Variants in MTCH1 observed in about 807,000 individuals in gnomAD.
The protein encoded by MTCH1 is mitochondrial carrier homolog 1.
MTCH1 carries 23 observed loss-of-function variants against 49.3 expected under a neutral mutation model. The observed-to-expected ratio is 0.47, with a 90% CI of 0.34 to 0.66. MTCH1 has a LOEUF of 0.66. Ranked by LOEUF, MTCH1 falls within the 30% of genes least tolerant of loss-of-function variation. The probability of loss-of-function intolerance (pLI) is 0.01; values close to 1 mark genes in which losing one functional copy is unlikely to be tolerated. For missense variants in MTCH1, 397 were observed against 532.1 expected, an observed-to-expected ratio of 0.75 and a Z score of 2.50; for synonymous variants, 229 against 215.2, an observed-to-expected ratio of 1.06 and a Z score of -0.56.
At chr6:36,979,947 A>C (rs1764028497) in intron 2 of MTCH1, among the ~76,000 whole-genome samples, 1 of 152,208 alleles carries the variant, frequency 6.6e-6, no homozygotes, top group African/African-American at 2.4e-5. Context: ...TGTGGGTCCC[A>C]GGGCCTCCCT....
chr6:36,970,606 C>G, intron 9 of MTCH1, 41 bp downstream of exon 9: 1 of 1,613,684 alleles, frequency 6.2e-7, no homozygotes, highest in Non-Finnish European at 8.5e-7. Context: ...CCGCTTGGGT[C>G]CGCAAGGCAG....
intron 1 of MTCH1, among the ~76,000 whole-genome samples, chr6:36,985,015 T>C (rs1764245586): frequency 6.6e-6 from 1 of 151,080 alleles, no homozygotes; most frequent in African/African-American, 2.4e-5. Flanking sequence ...AGCCTCCTCC[T>C]AGCTCCCCTC....
chr6:36,981,054 G>A (rs1231530043), intron 2 of MTCH1, among the ~76,000 whole-genome samples: 1 of 152,228 alleles, frequency 6.6e-6, no homozygotes, highest in African/African-American at 2.4e-5. Context: ...GCACACAGAA[G>A]TGAAGCTGCA....
chr6:36,970,767 AC>A, intron 8 of MTCH1, 73 bp from the exon 9 acceptor site: 1 of 1,491,886 alleles, frequency 6.7e-7, no homozygotes, highest in Non-Finnish European at 9.2e-7. Context: ...ACATGCCCTC[AC>A]CCCACCCTCT....
At chr6:36,973,295 T>TA (rs913108423) in intron 7 of MTCH1, among the ~76,000 whole-genome samples, 7 of 152,188 alleles carry the variant, frequency 4.6e-5, no homozygotes, top group African/African-American at 1.7e-4. Flanking sequence ...AACAGCTCTA[T>TA]AAACTGCTAA....
At position 36,968,884 on chromosome 6, in the gene MTCH1, GT is replaced by G. The variant is rs752508381; in HGVS notation, c.*18del. The G allele has an allele frequency of 1.9e-6, 3 of 1,613,904 alleles. No individual in the cohort carries two copies. The East Asian group carries it at 6.7e-5, about 36-fold the overall frequency. On this transcript the variant is annotated 3_prime_UTR_variant, in exon 12 of 12. Transcript: ENST00000373627. The stretch of plus-strand genomic sequence containing the variant: ...CCCACGGTGGCCAGGTTGAGACCGT[GT>G]TTTTTAGATGATTCAGGTTACTCCA...
intron 7 of MTCH1, among the ~76,000 whole-genome samples, chr6:36,975,199 C>T (rs1056416755): frequency 3.9e-5 from 6 of 152,220 alleles, no homozygotes; most frequent in African/African-American, 1.4e-4. Context: ...TTTTGTGCAA[C>T]ATATCTTAAA....
intron 1 of MTCH1, among the ~76,000 whole-genome samples, chr6:36,983,268 G>A (rs1764172020): frequency 6.6e-6 from 1 of 152,186 alleles, no homozygotes; most frequent in South Asian, 2.1e-4. Context: ...TTTCCCTTCT[G>A]GGTTAAAAGC....
intron 11 of MTCH1, 196 bp downstream of exon 11, chr6:36,969,843 C>T (rs1029633889): frequency 1.3e-6 from 2 of 1,528,716 alleles, no homozygotes; most frequent in African/African-American, 2.8e-5. Context: ...TAAACCCACA[C>T]TTAGCCACCT....
Position 36,977,739 on chromosome 6 carries a change from G to A in MTCH1, c.592-48C>T. 6.5e-7 allele frequency: 1 copy of A among 1,532,336 alleles called. No homozygotes were observed. The highest frequency in any genetic ancestry group is 8.9e-7 in the Non-Finnish European group (1 of 1,121,768). The allele number at this position is 1,532,336 out of a possible 1,614,324, so 94.9% of individuals were successfully genotyped here. On this transcript the variant is annotated intron_variant, in intron 4 of 11. Transcript: ENST00000373627. This position sits in a 1 kb window ranked among gnomAD's most constrained non-coding sequence, Gnocchi z 5.4. ...GACTCGCCACCCTCGGCCTGTCTCT[G>A]GAACTGGCCCTCGAGGGGAGCTACA...
chr6:36,969,196 A>G, intron 11 of MTCH1: 12 of 985,398 alleles, frequency 1.2e-5, no homozygotes, highest in Non-Finnish European at 1.4e-5. Context: ...GCTACTCTGT[A>G]GGAGAGCCCT....
rs1763905953 is a variant in MTCH1 at position 36,977,082 on chromosome 6, G to T, written c.701+117C>A. On this transcript the variant is annotated intron_variant, in intron 6 of 11. Coordinates refer to ENST00000373627, the MANE Select transcript of MTCH1 (RefSeq NM_001271641.2). This position sits in a 1 kb window ranked among gnomAD's most constrained non-coding sequence, Gnocchi z 5.4. ...ACATTCCTCAGAAGCCAGGCAGCAG[G>T]CTGAACTCACACAGCACTAGGGCAG... 8 of 1,054,372 alleles carry T rather than the reference G, an allele frequency of 7.6e-6. No individual in the cohort carries two copies. Among genetic ancestry groups the T allele is most frequent in the Non-Finnish European group, 1.2e-5 (8 of 684,166 alleles). The allele number at this position is 1,054,372 out of a possible 1,614,324, so 65.3% of individuals were successfully genotyped here.
rs747860989 is a variant in MTCH1, at chr6:36,970,129, G to C, written c.1023-15C>G. The C allele has an allele frequency of 3.7e-6, 6 of 1,613,270 alleles. No homozygotes were observed. The Middle Eastern group carries it at 5.0e-4, about 133-fold the overall frequency. ...CAGCTTGCAGCCTGCCGGAGAAGGA[G>C]AGTGTAGATGCAGAGAACAGTGGAA... is the stretch of plus-strand genomic sequence containing the variant. On this transcript the variant is annotated splice_polypyrimidine_tract_variant and intron_variant, in intron 10 of 11. Coordinates refer to ENST00000373627, the MANE Select transcript of MTCH1 (RefSeq NM_001271641.2).
rs1442032813 is a variant in MTCH1, at chr6:36,977,292, C to T, written c.650-42G>A. Reference sequence around the variant, plus strand: ...AAACACACACAGGTGATGTGGTGGGCCACACTTCATAATGCTCCAGCCACC... The same window carrying T: ...AAACACACACAGGTGATGTGGTGGGTCACACTTCATAATGCTCCAGCCACC... On this transcript the variant is annotated intron_variant, in intron 5 of 11. Coordinates refer to ENST00000373627, the MANE Select transcript of MTCH1 (RefSeq NM_001271641.2). The surrounding 1 kb of genome is among the most constrained non-coding windows in gnomAD (Gnocchi z 5.4). 1 of 1,606,858 alleles carries T rather than the reference C, an allele frequency of 6.2e-7. No individual in the cohort carries two copies.
In MTCH1 at chr6:36,985,872, T is replaced by G. The variant is rs747290823; in HGVS notation, c.302A>C (p.Tyr101Ser). The G allele has an allele frequency of 2.6e-6, 4 of 1,559,450 alleles. No homozygotes were observed. Among genetic ancestry groups the G allele is most frequent in the Middle Eastern group, 1.7e-4 (1 of 5,992 alleles). Reference sequence around the variant, plus strand: ...CCCCACCTGGATGAGCAGCTTCACGTAGAGCAGGGGATGGCTGAGCGCCGT... The same window carrying G: ...CCCCACCTGGATGAGCAGCTTCACGGAGAGCAGGGGATGGCTGAGCGCCGT... ...GVTALSHPLLYVKLLIQVGHE... is the reference protein window; with the variant it reads ...GVTALSHPLLSVKLLIQVGHE... The change falls in exon 1 of 12, where the codon TAC (tyrosine) becomes TCC (serine). Residue 101 changes from tyrosine to serine, a missense_variant. Physicochemically the swap from Tyr to Ser is moderately radical, Grantham distance 144. This residue lies in a region of MTCH1 where 252 missense variants were observed against 388.3 expected (regional missense o/e 0.65). Coordinates refer to ENST00000373627, the MANE Select transcript of MTCH1 (RefSeq NM_001271641.2).
chr6:36,972,420 T>C lies in MTCH1; in HGVS notation c.906+232A>G, dbSNP rs1763716974. On this transcript the variant is annotated intron_variant, in intron 8 of 11. Transcript: ENST00000373627. The surrounding 1 kb of genome is among the most constrained non-coding windows in gnomAD (Gnocchi z 4.1). ...CCTTAGATAAGCTGGGGTCTGTTTC[T>C]AAGGCGCCCAGGGACAAGCATTCCA... Among the ~76,000 whole-genome samples the C allele has an allele frequency of 7.2e-6, 1 of 138,276 alleles. No homozygotes were observed. The allele number at this position is 138,276 out of a possible 152,430, so 90.7% of individuals were successfully genotyped here. A position where few individuals can be genotyped will look rare whatever the true frequency, so the allele number is the denominator to read the frequency against.
chr6:36,978,424 C>T, intron 3 of MTCH1, 81 bp downstream of exon 3: 2 of 1,411,734 alleles, frequency 1.4e-6, no homozygotes, highest in Non-Finnish European at 9.9e-7. Context: ...GGAGGCAAGA[C>T]CAGGGTAACT....
intron 1 of MTCH1, among the ~76,000 whole-genome samples, chr6:36,985,198 A>G (rs1764252689): frequency 6.7e-6 from 1 of 150,120 alleles, no homozygotes; most frequent in African/African-American, 2.5e-5. Flanking sequence ...TTGCCTTCGC[A>G]CTCTCCCACC....
At position 36,972,334 on chromosome 6, in the gene MTCH1, A is replaced by G. The variant is rs1763714186; in HGVS notation, c.906+318T>C. On this transcript the variant is annotated intron_variant, in intron 8 of 11. Coordinates refer to ENST00000373627, the MANE Select transcript of MTCH1 (RefSeq NM_001271641.2). The surrounding 1 kb of genome is among the most constrained non-coding windows in gnomAD (Gnocchi z 4.1). ...GTGACACAAAGGTCAAGAGGTGATC[A>G]CTATTAGCTGGTCTATCTTCTGACT... Among the ~76,000 whole-genome samples, 1 of 152,186 alleles carries G rather than the reference A, an allele frequency of 6.6e-6. No homozygotes were observed. Among genetic ancestry groups the G allele is most frequent in the African/African-American group, 2.4e-5 (1 of 41,424 alleles).
Sources: allele counts gnomAD v4.1 joint callset (sites outside exome capture counted in the v4.1 genomes callset), GRCh38; gene constraint gnomAD v4.1.1; regional missense constraint gnomAD v4.1.1; non-coding constraint Gnocchi (gnomAD v3.1); transcripts MANE v1.5; gene names NCBI Gene and HGNC (gene_info 2026-07-23, HGNC 2026-07-21).